The following CLSTN1 variants were observed in gnomAD, a reference collection of about 807,000 sequenced individuals.
CLSTN1 encodes calsyntenin-1.
In CLSTN1, 28 loss-of-function variants were observed where a neutral mutation model predicts 108.3. The ratio of observed to expected loss-of-function variants is 0.26; its 90% CI spans 0.19 to 0.35. The LOEUF is 0.35. Among genes scored for constraint, CLSTN1 ranks in the 10% least tolerant of loss-of-function variants. The pLI is 1.00. For synonymous variants in CLSTN1, 524 were observed against 534.9 expected (o/e 0.98, Z 0.28); for missense variants, 1,157 against 1,302.6 (o/e 0.89, Z 1.72).
intron 7 of CLSTN1, among the ~76,000 whole-genome samples, chr1:9,748,973 C>T (rs749351982): frequency 1.5e-4 from 23 of 151,812 alleles, no homozygotes; most frequent in Admixed American, 1.2e-3. Flanking sequence ...GGTGCCATCA[C>T]GGCTCACTGC....
chr1:9,733,974 G>C lies in CLSTN1; in HGVS notation c.2279C>G (p.Thr760Arg), dbSNP rs200387779. Residue 760 changes from threonine to arginine, a missense_variant and splice_region_variant, in exon 15 of 19, where the codon ACA becomes AGA. Coordinates refer to ENST00000377298, the MANE Select transcript of CLSTN1 (RefSeq NM_001009566.3). ...CGTGGCTGCAGCGCTCCCCTTACCT[G>C]TGAAGGTCATGCCCAGTTCAGAGCT... ...VSSSELGMTF[T>R]GVDTMASYEE... 56 of 1,612,348 alleles carry C rather than the reference G, an allele frequency of 3.5e-5. No homozygotes were observed. Among genetic ancestry groups the C allele is most frequent in the Non-Finnish European group, 4.2e-5 (50 of 1,179,088 alleles).
intron 2 of CLSTN1, among the ~76,000 whole-genome samples, chr1:9,765,716 C>A (rs552760051): frequency 3.9e-5 from 6 of 152,074 alleles, no homozygotes; most frequent in African/African-American, 1.2e-4. Context: ...CCTCCCTCTA[C>A]TAAAAATACA....
At chr1:9,759,363 C>G (rs1171403135) in intron 2 of CLSTN1, among the ~76,000 whole-genome samples, 1 of 152,114 alleles carries the variant, frequency 6.6e-6, no homozygotes, top group Non-Finnish European at 1.5e-5. Flanking sequence ...GCAAGCTCCA[C>G]CTCCCGGGTT....
rs1375046943 is a variant in CLSTN1 at position 9,823,512 on chromosome 1, T to C, written c.91+131A>G. On this transcript the variant is annotated intron_variant, in intron 1 of 18. Coordinates refer to ENST00000377298, the MANE Select transcript of CLSTN1 (RefSeq NM_001009566.3). The surrounding 1 kb of genome is among the most constrained non-coding windows in gnomAD (Gnocchi z 6.3). The stretch of plus-strand genomic sequence containing the variant: ...CTGCGCTCGGACCCGACTCCCCGCA[T>C]CCCGGCTCGAATCCCGGCATCCGGC... 4.3e-6 allele frequency: 2 copies of C among 462,750 alleles called. No individual in the cohort carries two copies. Among genetic ancestry groups the C allele is most frequent in the African/African-American group, 4.3e-5 (2 of 46,908 alleles). The allele number at this position is 462,750 out of a possible 1,614,324, so 28.7% of individuals were successfully genotyped here.
chr1:9,798,765 G>A (rs533448871), intron 1 of CLSTN1, among the ~76,000 whole-genome samples: 16 of 152,284 alleles, frequency 1.1e-4, no homozygotes, highest in African/African-American at 3.6e-4. Context: ...AGCATGTTAG[G>A]AGATTAGAAG....
intron 1 of CLSTN1, among the ~76,000 whole-genome samples, chr1:9,809,794 G>C (rs528765639): frequency 6.6e-6 from 1 of 151,430 alleles, no homozygotes; most frequent in Non-Finnish European, 1.5e-5. Context: ...CCAGCTACTC[G>C]GGAGGGTGAG....
chr1:9,766,196 A>G (rs548309488), intron 2 of CLSTN1, among the ~76,000 whole-genome samples: 43 of 152,268 alleles, frequency 2.8e-4, no homozygotes, highest in South Asian at 2.1e-4. Flanking sequence ...GAAAAGCAGG[A>G]AAGAGATTGC....
chr1:9,812,888 G>A (rs1251196258), intron 1 of CLSTN1, among the ~76,000 whole-genome samples: 1 of 151,210 alleles, frequency 6.6e-6, no homozygotes, highest in African/African-American at 2.4e-5. Context: ...TTGCTGACCA[G>A]GTGAGGTAGC....
At chr1:9,750,715 CAAA>C (rs775430059) in intron 5 of CLSTN1, among the ~76,000 whole-genome samples, 104 of 77,168 alleles carry the variant, frequency 1.3e-3, no homozygotes, top group African/African-American at 3.9e-3. Flanking sequence ...TTCCCTCAAA[CAAA>C]AAAAAAAAAA....
intron 1 of CLSTN1, chr1:9,781,335 C>T (rs993546818): frequency 3.7e-6 from 2 of 544,920 alleles, no homozygotes; most frequent in African/African-American, 2.0e-5. Context: ...CTGAATGCAG[C>T]AGTGTAGAAA....
intron 1 of CLSTN1, among the ~76,000 whole-genome samples, chr1:9,799,745 AT>A (rs532423728): frequency 1.1e-3 from 173 of 152,130 alleles, no homozygotes; most frequent in Admixed American, 2.4e-3. Flanking sequence ...GATCCAGACC[AT>A]CCTGGCCAAC....
At chr1:9,769,984 C>G (rs567641698) in intron 2 of CLSTN1, among the ~76,000 whole-genome samples, 4 of 147,722 alleles carry the variant, frequency 2.7e-5, no homozygotes, top group Non-Finnish European at 5.9e-5. Flanking sequence ...GAGCCGAGAT[C>G]GCGCCACTGC....
At chr1:9,758,163 T>C (rs1651908465) in intron 2 of CLSTN1, among the ~76,000 whole-genome samples, 1 of 151,918 alleles carries the variant, frequency 6.6e-6, no homozygotes, top group South Asian at 2.1e-4. Flanking sequence ...CTGGCTAATT[T>C]TGTATTTTTA....
At chr1:9,808,452 T>A (rs187129279) in intron 1 of CLSTN1, among the ~76,000 whole-genome samples, 1 of 152,308 alleles carries the variant, frequency 6.6e-6, no homozygotes, top group Admixed American at 6.5e-5. Flanking sequence ...TTATAACAAA[T>A]TTCCACGGGG....
chr1:9,790,445 T>C (rs952740636), intron 1 of CLSTN1, among the ~76,000 whole-genome samples: 3 of 146,770 alleles, frequency 2.0e-5, no homozygotes, highest in Non-Finnish European at 4.4e-5. Flanking sequence ...GACTGTCAAA[T>C]GTTGAAACAG....
chr1:9,821,993 G>A (rs1570535153), intron 1 of CLSTN1, among the ~76,000 whole-genome samples: 1 of 152,280 alleles, frequency 6.6e-6, no homozygotes. Flanking sequence ...AGTAACCAAG[G>A]CAATTAAATA....
chr1:9,788,695 A>G (rs955760120), intron 1 of CLSTN1, among the ~76,000 whole-genome samples: 3 of 150,988 alleles, frequency 2.0e-5, no homozygotes, highest in Non-Finnish European at 4.4e-5. Flanking sequence ...TTGAAACCCC[A>G]TCTCTACTAA....
intron 1 of CLSTN1, among the ~76,000 whole-genome samples, chr1:9,787,464 T>C (rs1221438049): frequency 2.1e-5 from 3 of 145,626 alleles, no homozygotes; most frequent in African/African-American, 2.5e-5. Context: ...AGTGCAGTGG[T>C]GTGATCTCGG....
chr1:9,821,712 TTG>T (rs1026414676), intron 1 of CLSTN1, among the ~76,000 whole-genome samples: 6 of 152,348 alleles, frequency 3.9e-5, no homozygotes, highest in African/African-American at 1.4e-4. Context: ...TGAAATTCAC[TTG>T]TAATATTTCA....
Sources: allele counts gnomAD v4.1 joint callset (sites outside exome capture counted in the v4.1 genomes callset), GRCh38; gene constraint gnomAD v4.1.1; non-coding constraint Gnocchi (gnomAD v3.1); transcripts MANE v1.5; gene names NCBI Gene and HGNC (gene_info 2026-07-23, HGNC 2026-07-21).